The following ASXL3 variants were observed in gnomAD, a reference collection of about 807,000 sequenced individuals.
The protein encoded by ASXL3 is ASXL transcriptional regulator 3.
Under a neutral mutation model 170.6 loss-of-function variants are expected in ASXL3, and 34 were observed. That is an observed-to-expected ratio of 0.20 (90% CI 0.15 to 0.27). ASXL3 has a LOEUF of 0.27. ASXL3 is among the 10% of genes least tolerant of loss of function. The probability of loss-of-function intolerance (pLI) is 1.00; values close to 1 mark genes in which losing one functional copy is unlikely to be tolerated. For missense variants in ASXL3, 2,592 were observed against 2,695.3 expected (o/e 0.96, Z 0.85); for synonymous variants, 1,002 against 989.1 (o/e 1.01, Z -0.24).
At chr18:33,648,307 G>A (rs765221115) in intron 4 of ASXL3, among the ~76,000 whole-genome samples, 2 of 152,114 alleles carry the variant, frequency 1.3e-5, no homozygotes, top group Non-Finnish European at 2.9e-5. Flanking sequence ...AGTACTAGCA[G>A]TGGATGGGAT....
intron 1 of ASXL3, among the ~76,000 whole-genome samples, chr18:33,597,793 C>CAAAAAAAAAAAAAAAAAAAA (rs34304405): frequency 7.5e-6 from 1 of 132,578 alleles, no homozygotes; most frequent in African/African-American, 2.7e-5. Flanking sequence ...CTCTCATCTA[C>CAAAAAAAAAAAAAAAAAAAA]AAAAAAAAAA....
chr18:33,740,511 C>A, intron 11 of ASXL3, 68 bp downstream of exon 11: 1 of 1,382,308 alleles, frequency 7.2e-7, no homozygotes, highest in Non-Finnish European at 9.6e-7. Context: ...CCTAATTTTT[C>A]AAGAGTAATT....
chr18:33,646,036 A>T (rs8094522), intron 3 of ASXL3, among the ~76,000 whole-genome samples: 1 of 150,966 alleles, frequency 6.6e-6, no homozygotes. Context: ...GATTTTAAAA[A>T]TTTATCCAAA....
chr18:33,580,283 G>A, intron 1 of ASXL3, among the ~76,000 whole-genome samples: 1 of 152,216 alleles, frequency 6.6e-6, no homozygotes, highest in Non-Finnish European at 1.5e-5. Flanking sequence ...TAAGTGTTAA[G>A]TAGATGCCAG....
chr18:33,648,041 A>C (rs2065941589), intron 4 of ASXL3, among the ~76,000 whole-genome samples: 1 of 152,180 alleles, frequency 6.6e-6, no homozygotes, highest in East Asian at 1.9e-4. Flanking sequence ...GCCAAAGTGA[A>C]CAAGGGAGAG....
At chr18:33,639,412 A>G (rs914482871) in intron 2 of ASXL3, among the ~76,000 whole-genome samples, 3 of 152,086 alleles carry the variant, frequency 2.0e-5, no homozygotes, top group Non-Finnish European at 4.4e-5. Flanking sequence ...GGATGGTAAT[A>G]TAGCATGTCA....
At chr18:33,583,213 CTG>C (rs1313115734) in intron 1 of ASXL3, among the ~76,000 whole-genome samples, 1 of 152,106 alleles carries the variant, frequency 6.6e-6, no homozygotes, top group Non-Finnish European at 1.5e-5. Context: ...CATTTTCTCA[CTG>C]TGTTAATGGT....
At chr18:33,663,507 G>GT (rs1253674710) in intron 5 of ASXL3, among the ~76,000 whole-genome samples, 2 of 152,068 alleles carry the variant, frequency 1.3e-5, no homozygotes, top group East Asian at 1.9e-4. Context: ...TTGTTTTTGT[G>GT]TTTTTTGTGG....
In ASXL3 at chr18:33,738,874, C is replaced by A; in HGVS notation, c.1470C>A (p.Pro490=). The A allele has an allele frequency of 6.2e-7, 1 of 1,613,410 alleles. No individual in the cohort carries two copies. The highest frequency in any genetic ancestry group is 1.1e-5 in the South Asian group (1 of 91,040). Residue 490 remains proline, a synonymous_variant, in exon 11 of 12, where the codon CCC becomes CCA. Transcript: ENST00000269197. ...GTCTAACCAATTCTCATGAAGAACC[C>A]CAAATAGCACCTCCTGAAGATAACT... The part of the protein sequence containing the change: ...AESLTNSHEE[P]QIAPPEDNLE...
chr18:33,699,008 A>G (rs1286296731), intron 8 of ASXL3, among the ~76,000 whole-genome samples: 1 of 152,190 alleles, frequency 6.6e-6, no homozygotes, highest in Admixed American at 6.5e-5. Context: ...CCAAGTTAAT[A>G]AAAAGACAAC....
At chr18:33,698,327 A>G (rs775959719) in intron 8 of ASXL3, among the ~76,000 whole-genome samples, 1 of 152,184 alleles carries the variant, frequency 6.6e-6, no homozygotes, top group Non-Finnish European at 1.5e-5. Flanking sequence ...CACAGCCCCT[A>G]GAACTGTGAC....
At chr18:33,672,203 A>G (rs1018895320) in intron 7 of ASXL3, among the ~76,000 whole-genome samples, 1 of 152,186 alleles carries the variant, frequency 6.6e-6, no homozygotes, top group African/African-American at 2.4e-5. Flanking sequence ...CTTTATTGGA[A>G]TATGCTGTCT....
rs562874919 is a variant in ASXL3 at position 33,636,526 on chromosome 18, G to A, written c.138-8368G>A. On this transcript the variant is annotated intron_variant, in intron 2 of 11. Coordinates refer to ENST00000269197, the MANE Select transcript of ASXL3 (RefSeq NM_030632.3). Reference sequence around the variant, plus strand: ...CAGTTAGAGATTATAGAATTGTCTTGTGAATGAGGTAAAGATTTTTTGAAA... The same window carrying A: ...CAGTTAGAGATTATAGAATTGTCTTATGAATGAGGTAAAGATTTTTTGAAA... 7.2e-5 allele frequency among the ~76,000 whole-genome samples: 11 copies of A among 152,240 alleles called. No individual in the cohort carries two copies. The South Asian group carries it at 2.1e-3, about 29-fold the overall frequency.
chr18:33,622,195 C>T (rs1012995788), intron 2 of ASXL3, among the ~76,000 whole-genome samples: 1 of 152,044 alleles, frequency 6.6e-6, no homozygotes, highest in African/African-American at 2.4e-5. Flanking sequence ...TGATTAAAAG[C>T]AGCTAAATCC....
At chr18:33,696,805 T>C (rs2066780417) in intron 8 of ASXL3, among the ~76,000 whole-genome samples, 1 of 152,140 alleles carries the variant, frequency 6.6e-6, no homozygotes, top group Non-Finnish European at 1.5e-5. Flanking sequence ...ATCCAAAGCC[T>C]AACTGACCTG....
chr18:33,602,077 C>T (rs553151717), intron 1 of ASXL3, among the ~76,000 whole-genome samples: 5 of 152,056 alleles, frequency 3.3e-5, no homozygotes, highest in African/African-American at 4.8e-5. Context: ...GTTGAGATTA[C>T]AGGCATGAGC....
At position 33,608,956 on chromosome 18, in the gene ASXL3, A is replaced by G. The variant is rs925102917; in HGVS notation, c.137+1280A>G. ...ACAGGACACCTATGCTCAAATTTTC[A>G]TTTTTTATTTTGGAGACTTTTTTTT... On this transcript the variant is annotated intron_variant, in intron 2 of 11. Transcript: ENST00000269197. 1.1e-5 allele frequency: 10 copies of G among 903,294 alleles called. No homozygotes were observed. In the African/African-American group the frequency reaches 1.5e-4, roughly 13 times the overall value. The allele number at this position is 903,294 out of a possible 1,614,324, so 56.0% of individuals were successfully genotyped here.
chr18:33,612,565 A>G (rs12953422), intron 2 of ASXL3, among the ~76,000 whole-genome samples: 50,680 of 151,818 alleles, frequency 0.33, 9,257 homozygotes, highest in Middle Eastern at 0.44. Context: ...AAGACTTTTT[A>G]TGTTTTCTGT....
intron 7 of ASXL3, among the ~76,000 whole-genome samples, chr18:33,673,136 A>G (rs923921511): frequency 6.6e-6 from 1 of 152,204 alleles, no homozygotes; most frequent in African/African-American, 2.4e-5. Context: ...AGAATGATAG[A>G]TAAAGAATAT....
Sources: gnomAD v4.1 joint callset for allele counts (sites outside exome capture counted in the v4.1 genomes callset) on GRCh38, gnomAD v4.1.1 for gene constraint, MANE v1.5 for transcripts, NCBI Gene and HGNC (gene_info 2026-07-23, HGNC 2026-07-21) for gene names.